FAM161A: variants seen among roughly 807,000 people sequenced by gnomAD.
FAM161A encodes the protein protein FAM161A.
FAM161A carries 57 observed loss-of-function variants against 70.9 expected under a neutral mutation model. The ratio of observed to expected loss-of-function variants is 0.80; its 90% CI spans 0.65 to 1.00. The LOEUF is 1.00. FAM161A is among the 50% of genes least tolerant of loss of function. FAM161A has a pLI of 0.00. For synonymous variants in FAM161A, 299 were observed against 295.7 expected (o/e 1.01, Z -0.12); for missense variants, 880 against 836.0 (o/e 1.05, Z -0.65).
the FAM161A span, chr2:61,803,241 C>G: frequency 1.6e-6 from 1 of 613,448 alleles, no homozygotes; most frequent in Non-Finnish European, 3.1e-6. Context: ...TGGATGTCAT[C>G]TTTGTATTTG....
intron 5 of FAM161A, among the ~76,000 whole-genome samples, chr2:61,827,470 CGTG>C (rs1380693606): frequency 6.6e-6 from 1 of 151,800 alleles, no homozygotes; most frequent in African/African-American, 2.4e-5. Flanking sequence ...ATTAGCCGGG[CGTG>C]GTGGTGGCCG....
At chr2:61,814,884 C>T in the FAM161A span, among the ~76,000 whole-genome samples, 1 of 152,160 alleles carries the variant, frequency 6.6e-6, no homozygotes, top group African/African-American at 2.4e-5. Context: ...GAGGCTAAAT[C>T]CCCTTCTTAA....
Position 61,840,141 on chromosome 2 carries a change from G to C in FAM161A, c.863C>G (p.Pro288Arg), listed in dbSNP as rs1194532524. The C allele has an allele frequency of 6.2e-7, 1 of 1,614,034 alleles. No homozygotes were observed. Among genetic ancestry groups the C allele is most frequent in the African/African-American group, 1.3e-5 (1 of 74,930 alleles). ...YKKKFRANPV[P>R]ASVFLPLYHD... ...GTAAAGGGGGAGAAAGACAGATGCA[G>C]GAACTGGATTGGCTCGGAATTTCTT... is the stretch of plus-strand genomic sequence containing the variant. The change falls in exon 3 of 7, where the codon CCT becomes CGT. Residue 288 changes from proline to arginine, a missense_variant. By Grantham distance (103) the Pro-to-Arg change is moderately radical. Transcript: ENST00000404929.
rs118048853 is a variant in FAM161A, at chr2:61,846,882, G to A, written c.184-4522C>T. On this transcript the variant is annotated intron_variant, in intron 1 of 6. Transcript: ENST00000404929. ...TGAATCCAGTATGCAGTTTTCACTC[G>A]AAAAATCAACAGAATTGGCCAGGCA... 54 of 452,586 alleles carry A rather than the reference G, an allele frequency of 1.2e-4. 2 individuals carry two copies. The highest frequency in any genetic ancestry group is 8.0e-4 in the South Asian group (51 of 63,628). 28.0% of individuals were successfully genotyped at this position (452,586 alleles called of 1,614,324 possible). A position where few individuals can be genotyped will look rare whatever the true frequency, so the allele number is the denominator to read the frequency against.
intron 4 of FAM161A, 127 bp from the exon 5 acceptor site, chr2:61,836,236 T>A (rs1272971184): frequency 1.3e-6 from 1 of 757,564 alleles, no homozygotes; most frequent in Admixed American, 2.4e-5. Context: ...TTAGCTTAGC[T>A]GACAAATCAG....
chr2:61,842,761 C>T (rs1402443331), intron 1 of FAM161A, among the ~76,000 whole-genome samples: 1 of 152,192 alleles, frequency 6.6e-6, no homozygotes, highest in African/African-American at 2.4e-5. Context: ...ACCAGGCAAC[C>T]ACAGCCCAAT....
chr2:61,842,665 A>G (rs1673061984), intron 1 of FAM161A, among the ~76,000 whole-genome samples: 1 of 152,206 alleles, frequency 6.6e-6, no homozygotes, highest in African/African-American at 2.4e-5. Context: ...GAACCCAACA[A>G]CCCTTTACAA....
the FAM161A span, among the ~76,000 whole-genome samples, chr2:61,810,111 G>A: frequency 6.6e-6 from 1 of 152,144 alleles, no homozygotes; most frequent in Admixed American, 6.6e-5. Flanking sequence ...ACAGAATCAT[G>A]AGCAAAAATA....
intron 5 of FAM161A, among the ~76,000 whole-genome samples, chr2:61,832,939 C>T (rs933968932): frequency 2.0e-5 from 3 of 152,058 alleles, no homozygotes; most frequent in Non-Finnish European, 2.9e-5. Flanking sequence ...TGGAGCAGGA[C>T]ACTTGTGGGC....
the FAM161A span, among the ~76,000 whole-genome samples, chr2:61,814,091 C>G: frequency 2.0e-5 from 3 of 152,162 alleles, no homozygotes; most frequent in Non-Finnish European, 4.4e-5. Flanking sequence ...GCCCCTCAGA[C>G]TCAGTCAGGG....
chr2:61,804,768 G>GAGAAAAAGAAAGAAAGAA, the FAM161A span, among the ~76,000 whole-genome samples: 15 of 118,952 alleles, frequency 1.3e-4, no homozygotes, highest in African/African-American at 4.8e-4. Context: ...GAAAAAGAAA[G>GAGAAAAAGAAAGAAAGAA]AGAAAGAAAG....
At chr2:61,837,338 C>A (rs1171371979) in intron 4 of FAM161A, among the ~76,000 whole-genome samples, 1 of 151,974 alleles carries the variant, frequency 6.6e-6, no homozygotes, top group Non-Finnish European at 1.5e-5. Flanking sequence ...TGAGCAAGAT[C>A]CTATAATAAA....
At chr2:61,824,121 G>A (rs1182904927), downstream of FAM161A, among the ~76,000 whole-genome samples, 1 of 150,936 alleles carries the variant, frequency 6.6e-6, no homozygotes, top group Non-Finnish European at 1.5e-5. Flanking sequence ...CTGCCTCCCA[G>A]GTTCAGGCCA....
chr2:61,850,119 A>G (rs1673446920), intron 1 of FAM161A, among the ~76,000 whole-genome samples: 1 of 152,138 alleles, frequency 6.6e-6, no homozygotes, highest in Non-Finnish European at 1.5e-5. Context: ...AATATAGGCC[A>G]GGCATGGTAG....
intron 2 of FAM161A, 110 bp from the exon 3 acceptor site, chr2:61,840,691 C>G: frequency 1.2e-6 from 1 of 859,832 alleles, no homozygotes. Flanking sequence ...CACTCTGTTG[C>G]CCAGGTTGGA....
chr2:61,850,422 C>T (rs1016328235), intron 1 of FAM161A, among the ~76,000 whole-genome samples: 2 of 151,578 alleles, frequency 1.3e-5, no homozygotes, highest in African/African-American at 4.8e-5. Flanking sequence ...TGTGTGCGTT[C>T]GTGTGTATGT....
intron 1 of FAM161A, among the ~76,000 whole-genome samples, chr2:61,842,789 G>A (rs1015152698): frequency 1.3e-5 from 2 of 152,176 alleles, no homozygotes; most frequent in East Asian, 1.9e-4. Context: ...CTCCAGCTGC[G>A]CTCCTGCAGT....
the FAM161A span, among the ~76,000 whole-genome samples, chr2:61,807,168 G>C: frequency 6.6e-6 from 1 of 152,026 alleles, no homozygotes; most frequent in Non-Finnish European, 1.5e-5. Flanking sequence ...AATTGAAGTT[G>C]AAGCATCAGA....
chr2:61,851,381 G>A (rs1294753876), intron 1 of FAM161A, among the ~76,000 whole-genome samples: 2 of 151,974 alleles, frequency 1.3e-5, no homozygotes, highest in Non-Finnish European at 2.9e-5. Context: ...CTGTTGCCCA[G>A]GCTGGAGTGC....
Sources: gnomAD v4.1 joint callset for allele counts (sites outside exome capture counted in the v4.1 genomes callset) on GRCh38, gnomAD v4.1.1 for gene constraint, MANE v1.5 for transcripts, NCBI Gene and HGNC (gene_info 2026-07-23, HGNC 2026-07-21) for gene names.